MX2: variants seen among roughly 807,000 people sequenced by gnomAD.
MX2 encodes the protein interferon-induced GTP-binding protein Mx2.
MX2 carries 51 observed loss-of-function variants against 74.0 expected under a neutral mutation model. The observed-to-expected ratio is 0.69, with a 90% confidence interval of 0.55 to 0.87. The LOEUF is 0.87. Ranked by LOEUF, MX2 falls within the 40% of genes least tolerant of loss-of-function variation. MX2 has a pLI of 0.00. For missense variants in MX2, 832 were observed against 908.7 expected, an observed-to-expected ratio of 0.92 and a Z score of 1.09; for synonymous variants, 369 against 339.3, an observed-to-expected ratio of 1.09 and a Z score of -0.96.
chr21:41,398,375 T>G (rs866996102), intron 8 of MX2, among the ~76,000 whole-genome samples: 15 of 152,330 alleles, frequency 9.8e-5, no homozygotes, highest in African/African-American at 3.6e-4. Context: ...AATAAGTCCA[T>G]TTTTATGGAT....
At chr21:41,398,770 TG>T in intron 8 of MX2, 126 bp from the exon 9 acceptor site, 4 of 1,343,724 alleles carry the variant, frequency 3.0e-6, no homozygotes, top group Non-Finnish European at 4.0e-6. Flanking sequence ...TTTGGGAGGC[TG>T]GGGCAGGTGG....
chr21:41,376,957 T>C lies in MX2; in HGVS notation c.51T>C (p.Ser17=), dbSNP rs764719529. 1.9e-6 allele frequency: 3 copies of C among 1,613,954 alleles called. No individual in the cohort carries two copies. The highest frequency in any genetic ancestry group is 2.7e-5 in the African/African-American group (2 of 74,922). The change falls in exon 2 of 14, where the codon TCT becomes TCC. Residue 17 remains serine (S), a synonymous_variant. Transcript: ENST00000330714. The part of the protein sequence containing the change: ...PWPYRRRSQF[S]SRKYLKKEMN... ...CCTACCGGAGGAGAAGTCAATTTTC[T>C]TCTCGAAAATACCTGAAAAAAGAAA...
chr21:41,377,198 TG>T, intron 2 of MX2, 43 bp downstream of exon 2: 1 of 1,607,756 alleles, frequency 6.2e-7, no homozygotes, highest in Non-Finnish European at 8.5e-7. Context: ...GCATTCTGGC[TG>T]CCGGTGCAGA....
rs932354136 is a variant in MX2 at position 41,362,056 on chromosome 21, G to C, written c.-72+1G>C. ...ATTTCTCCATCCTGAACGTGCAGCGGTAAGAGCGGGGCCGGTGCAGGGAGG... is the reference window on the plus strand; with the variant it reads ...ATTTCTCCATCCTGAACGTGCAGCGCTAAGAGCGGGGCCGGTGCAGGGAGG... On this transcript the variant is annotated splice_donor_variant, in intron 1 of 13. Coordinates refer to ENST00000330714, the MANE Select transcript of MX2 (RefSeq NM_002463.2). LOFTEE classifies it low-confidence loss of function (5UTR_SPLICE). The C allele has an allele frequency of 3.3e-5, 5 of 152,312 alleles. No individual in the cohort carries two copies. Among genetic ancestry groups the C allele is most frequent in the Non-Finnish European group, 7.3e-5 (5 of 68,080 alleles). 9.4% of individuals were successfully genotyped at this position (152,312 alleles called of 1,614,324 possible).
At chr21:41,399,446 C>A in intron 10 of MX2, 109 bp downstream of exon 10, 1 of 1,197,362 alleles carries the variant, frequency 8.4e-7, no homozygotes, top group Non-Finnish European at 1.2e-6. Flanking sequence ...CCATCCAAGA[C>A]CGTGGAACCC....
chr21:41,408,434 C>G lies in MX2; in HGVS notation c.*201C>G, dbSNP rs181272694. On this transcript the variant is annotated 3_prime_UTR_variant, in exon 14 of 14. Coordinates refer to ENST00000330714, the MANE Select transcript of MX2 (RefSeq NM_002463.2). ...CTCCACCACCCAGCTCTTCCCTGAC[C>G]TTCACGAAGGGATGGCTCTCCAGTC... 6.4e-5 allele frequency: 43 copies of G among 671,354 alleles called. No individual in the cohort carries two copies. The highest frequency in any genetic ancestry group is 9.8e-5 in the Non-Finnish European group (40 of 408,588). 41.6% of individuals were successfully genotyped at this position (671,354 alleles called of 1,614,324 possible).
chr21:41,371,024 A>G (rs2089318180), intron 1 of MX2, among the ~76,000 whole-genome samples: 1 of 152,178 alleles, frequency 6.6e-6, no homozygotes, highest in Non-Finnish European at 1.5e-5. Flanking sequence ...TTTTGGTCTG[A>G]AGGAGGGAGG....
At chr21:41,375,856 G>A (rs1000748303) in intron 1 of MX2, among the ~76,000 whole-genome samples, 9 of 152,216 alleles carry the variant, frequency 5.9e-5, no homozygotes, top group Non-Finnish European at 7.3e-5. Flanking sequence ...GGGATACAGT[G>A]TGATCCAGAG....
At chr21:41,382,384 G>T in intron 4 of MX2, 26 bp from the exon 5 acceptor site, 1 of 1,609,196 alleles carries the variant, frequency 6.2e-7, no homozygotes, top group Non-Finnish European at 8.5e-7. Flanking sequence ...GAGGGCTCTG[G>T]GTTTCTCCCC....
rs1568948014 is a variant in MX2 at position 41,399,319 on chromosome 21, G to A, written c.1396G>A (p.Ala466Thr). The part of the protein sequence containing the change: ...EDFKNWVGIL[A>T]TNTQKVKNII... ...TTTTAAAAACTGGGTAGGCATACTT[G>A]CAACTAATACCCAAAAAGGTAAGTT... The change falls in exon 10 of 14, where the codon GCA (alanine) becomes ACA (threonine). Residue 466 changes from alanine (A) to threonine (T), a missense_variant. Coordinates refer to ENST00000330714, the MANE Select transcript of MX2 (RefSeq NM_002463.2). 8 of 1,613,888 alleles carry A rather than the reference G, an allele frequency of 5.0e-6. No individual in the cohort carries two copies. Among genetic ancestry groups the A allele is most frequent in the Non-Finnish European group, 6.8e-6 (8 of 1,179,998 alleles).
chr21:41,383,442 A>C (rs1601408693), intron 5 of MX2, among the ~76,000 whole-genome samples: 1 of 152,248 alleles, frequency 6.6e-6, no homozygotes, highest in Admixed American at 6.5e-5. Context: ...GGTCCAGGAA[A>C]ACTTGTGCAT....
chr21:41,405,823 G>C (rs1358229499), intron 12 of MX2, among the ~76,000 whole-genome samples: 2 of 149,054 alleles, frequency 1.3e-5, no homozygotes, highest in East Asian at 2.0e-4. Flanking sequence ...TCCTGCCTCA[G>C]CCTCCCAAGT....
intron 1 of MX2, chr21:41,365,733 G>T (rs2089260034): frequency 6.6e-6 from 1 of 152,122 alleles, no homozygotes; most frequent in African/African-American, 2.4e-5. Context: ...TATTCCTTTG[G>T]GTACATACGC....
chr21:41,376,696 C>G (rs570954928), intron 1 of MX2, 140 bp from the exon 2 acceptor site: 1 of 619,272 alleles, frequency 1.6e-6, no homozygotes, highest in East Asian at 2.9e-5. Flanking sequence ...CAGACAGGGG[C>G]CCTGCACTGG....
rs536958489 is a variant in MX2 at position 41,368,072 on chromosome 21, A to G, written c.-72+6017A>G. On this transcript the variant is annotated intron_variant, in intron 1 of 13. Coordinates refer to ENST00000330714, the MANE Select transcript of MX2 (RefSeq NM_002463.2). This position sits in a 1 kb window ranked among gnomAD's most constrained non-coding sequence, Gnocchi z 4.6. The stretch of plus-strand genomic sequence containing the variant: ...TCCACAGCTCCCATGCTCTGCATTT[A>G]TACTGGGCTGCGGAAGCTCCCACGT... Among the ~76,000 whole-genome samples, 5 of 152,238 alleles carry G rather than the reference A, an allele frequency of 3.3e-5. No homozygotes were observed. Among genetic ancestry groups the G allele is most frequent in the Admixed American group, 6.5e-5 (1 of 15,298 alleles).
In MX2 at chr21:41,399,034, A is replaced by G. The variant is rs372936951; in HGVS notation, c.1272+15A>G. 6.2e-6 allele frequency: 10 copies of G among 1,610,674 alleles called. No homozygotes were observed. In the African/African-American group the frequency reaches 9.4e-5, roughly 15 times the overall value. Reference sequence around the variant, plus strand: ...TTCTAATTGAGGTGAGGATTTCCGCAGGACTCCACGTGACACTGCATCCTT... The same window carrying G: ...TTCTAATTGAGGTGAGGATTTCCGCGGGACTCCACGTGACACTGCATCCTT... On this transcript the variant is annotated intron_variant, in intron 9 of 13. Coordinates refer to ENST00000330714, the MANE Select transcript of MX2 (RefSeq NM_002463.2).
intron 5 of MX2, among the ~76,000 whole-genome samples, chr21:41,382,964 G>C (rs1249868847): frequency 6.6e-6 from 1 of 152,218 alleles, no homozygotes; most frequent in Non-Finnish European, 1.5e-5. Flanking sequence ...TGTGGTCCTG[G>C]TCTGGGCAGG....
At chr21:41,375,535 C>G (rs1008586022) in intron 1 of MX2, among the ~76,000 whole-genome samples, 2 of 152,206 alleles carry the variant, frequency 1.3e-5, no homozygotes, top group Non-Finnish European at 2.9e-5. Flanking sequence ...GTGGCAGAGG[C>G]CTTGGCATTC....
intron 6 of MX2, among the ~76,000 whole-genome samples, chr21:41,394,442 C>T (rs1325921864): frequency 6.6e-6 from 1 of 152,174 alleles, no homozygotes; most frequent in Non-Finnish European, 1.5e-5. Context: ...ACCTCCCTGT[C>T]CACCCAACTT....
Sources: gnomAD v4.1 joint callset for allele counts (sites outside exome capture counted in the v4.1 genomes callset) on GRCh38, gnomAD v4.1.1 for gene constraint, Gnocchi (gnomAD v3.1) non-coding constraint, MANE v1.5 for transcripts, NCBI Gene and HGNC (gene_info 2026-07-23, HGNC 2026-07-21) for gene names.